The following KCNQ3 variants were observed in gnomAD, a reference collection of about 807,000 sequenced individuals.
The protein encoded by KCNQ3 is potassium voltage-gated channel subfamily Q member 3.
In KCNQ3, 30 loss-of-function variants were observed where a neutral mutation model predicts 92.5. That is an observed-to-expected ratio of 0.32 (90% confidence interval 0.24 to 0.44). KCNQ3 has a LOEUF of 0.44. KCNQ3 is among the 20% of genes least tolerant of loss of function. The pLI is 1.00. For synonymous variants in KCNQ3, 450 were observed against 468.8 expected (o/e 0.96, Z 0.52); for missense variants, 913 against 1,140.3 (o/e 0.80, Z 2.87).
At chr8:132,435,193 C>T (rs979790743) in intron 1 of KCNQ3, among the ~76,000 whole-genome samples, 13 of 152,186 alleles carry the variant, frequency 8.5e-5, no homozygotes, top group African/African-American at 3.1e-4. Flanking sequence ...CCAATGCTCC[C>T]ACTGATCATT....
intron 1 of KCNQ3, among the ~76,000 whole-genome samples, chr8:132,385,935 CA>C (rs34547446): frequency 9.5e-5 from 14 of 146,848 alleles, no homozygotes; most frequent in South Asian, 4.3e-4. Context: ...TCTATCCGGG[CA>C]AAAAAAAAAT....
chr8:132,206,084 G>A (rs1813647092), intron 1 of KCNQ3, among the ~76,000 whole-genome samples: 1 of 152,164 alleles, frequency 6.6e-6, no homozygotes, highest in Non-Finnish European at 1.5e-5. Flanking sequence ...GCTCACAGTA[G>A]ATACAGGCAT....
chr8:132,372,752 T>C (rs1285543012), intron 1 of KCNQ3, among the ~76,000 whole-genome samples: 1 of 134,224 alleles, frequency 7.5e-6, no homozygotes, highest in East Asian at 2.2e-4. Context: ...AGAGTGAGAC[T>C]TTGTCTCAAA....
At chr8:132,430,558 C>T (rs1249733306) in intron 1 of KCNQ3, among the ~76,000 whole-genome samples, 1 of 152,194 alleles carries the variant, frequency 6.6e-6, no homozygotes, top group Non-Finnish European at 1.5e-5. Flanking sequence ...ATCAGCGGGG[C>T]CTTCCCGACT....
chr8:132,172,519 GCA>G (rs1221119947), intron 7 of KCNQ3, 77 bp downstream of exon 7: 1 of 1,279,230 alleles, frequency 7.8e-7, no homozygotes, highest in Non-Finnish European at 1.1e-6. Flanking sequence ...GTGCACACAT[GCA>G]CACATACACA....
intron 9 of KCNQ3, among the ~76,000 whole-genome samples, chr8:132,157,641 GT>G (rs1315310922): frequency 6.6e-6 from 1 of 151,452 alleles, no homozygotes; most frequent in East Asian, 1.9e-4. Flanking sequence ...TGTAACCTGT[GT>G]TTTATTTTAT....
chr8:132,390,618 T>G (rs976884766), intron 1 of KCNQ3, among the ~76,000 whole-genome samples: 6 of 152,140 alleles, frequency 3.9e-5, no homozygotes, highest in African/African-American at 1.4e-4. Flanking sequence ...CTTGGAACAC[T>G]GTATAAGAGC....
intron 1 of KCNQ3, among the ~76,000 whole-genome samples, chr8:132,445,160 C>T (rs956317922): frequency 1.3e-5 from 2 of 152,184 alleles, no homozygotes; most frequent in African/African-American, 4.8e-5. Flanking sequence ...AAGGGGTGGA[C>T]TGACATTTGG....
At chr8:132,275,532 C>A (rs10808600) in intron 1 of KCNQ3, among the ~76,000 whole-genome samples, 66,502 of 151,378 alleles carry the variant, frequency 0.44, 16,601 homozygotes, top group East Asian at 0.69. Context: ...CCTAGAGGCC[C>A]AAAACGCACC....
intron 1 of KCNQ3, among the ~76,000 whole-genome samples, chr8:132,408,288 G>T (rs1364365937): frequency 2.0e-5 from 3 of 152,112 alleles, no homozygotes; most frequent in Non-Finnish European, 4.4e-5. Flanking sequence ...AAGTCTATTT[G>T]CCAAGTACTG....
chr8:132,330,166 A>C (rs1161753985), intron 1 of KCNQ3, among the ~76,000 whole-genome samples: 1 of 152,206 alleles, frequency 6.6e-6, no homozygotes, highest in Non-Finnish European at 1.5e-5. Context: ...GACTGCAGTG[A>C]TATGGCCACA....
chr8:132,377,458 G>T (rs1819642099), intron 1 of KCNQ3, among the ~76,000 whole-genome samples: 2 of 152,164 alleles, frequency 1.3e-5, no homozygotes, highest in Non-Finnish European at 2.9e-5. Context: ...AGGGACTGAT[G>T]GTTAAAGAGC....
At chr8:132,445,859 A>T (rs1355546141) in intron 1 of KCNQ3, among the ~76,000 whole-genome samples, 1 of 152,166 alleles carries the variant, frequency 6.6e-6, no homozygotes, top group Non-Finnish European at 1.5e-5. Flanking sequence ...CCTTGGTTTC[A>T]TCTCAAGTCT....
At chr8:132,347,894 G>A (rs1248530885) in intron 1 of KCNQ3, among the ~76,000 whole-genome samples, 2 of 150,616 alleles carry the variant, frequency 1.3e-5, no homozygotes, top group African/African-American at 4.9e-5. Context: ...GGAGAATGGC[G>A]TGAACCTGGG....
At chr8:132,417,151 C>T (rs891337089) in intron 1 of KCNQ3, among the ~76,000 whole-genome samples, 5 of 152,200 alleles carry the variant, frequency 3.3e-5, no homozygotes, top group African/African-American at 9.7e-5. Context: ...AAGTGGGCAA[C>T]ATCCCGTATA....
chr8:132,355,110 A>G (rs1818984082), intron 1 of KCNQ3, among the ~76,000 whole-genome samples: 1 of 152,202 alleles, frequency 6.6e-6, no homozygotes, highest in African/African-American at 2.4e-5. Flanking sequence ...GAGCTTATCT[A>G]TTTATGAAAA....
intron 1 of KCNQ3, among the ~76,000 whole-genome samples, chr8:132,449,936 T>C (rs902343476): frequency 6.6e-6 from 1 of 152,184 alleles, no homozygotes; most frequent in African/African-American, 2.4e-5. Flanking sequence ...CCCCCAACTC[T>C]AGCCCTCTTC....
At chr8:132,344,687 G>T (rs1010037943) in intron 1 of KCNQ3, among the ~76,000 whole-genome samples, 3 of 152,262 alleles carry the variant, frequency 2.0e-5, no homozygotes, top group Non-Finnish European at 4.4e-5. Flanking sequence ...ATATTCCTGG[G>T]AGAGATCACA....
intron 1 of KCNQ3, among the ~76,000 whole-genome samples, chr8:132,282,665 C>T (rs977090094): frequency 2.0e-5 from 3 of 152,222 alleles, no homozygotes; most frequent in Admixed American, 6.5e-5. Flanking sequence ...GCTGCCTTCT[C>T]CCCAAGATGC....
Sources: gnomAD v4.1 joint callset for allele counts (sites outside exome capture counted in the v4.1 genomes callset) on GRCh38, gnomAD v4.1.1 for gene constraint, MANE v1.5 for transcripts, NCBI Gene and HGNC (gene_info 2026-07-23, HGNC 2026-07-21) for gene names.